Variants in WDR59 observed in about 807,000 individuals in gnomAD.
WDR59 encodes GATOR2 complex protein WDR59.
Under a neutral mutation model 131.2 loss-of-function variants are expected in WDR59, and 100 were observed. That is an observed-to-expected ratio of 0.76 (90% confidence interval 0.65 to 0.90). The LOEUF is 0.90. WDR59 is among the 40% of genes least tolerant of loss of function. The pLI is 0.00. For missense variants in WDR59, 1,203 were observed against 1,262.2 expected (o/e 0.95, Z 0.71); for synonymous variants, 601 against 466.2 (o/e 1.29, Z -3.72).
intron 18 of WDR59, 129 bp downstream of exon 18, chr16:74,903,818 G>C: frequency 8.3e-7 from 1 of 1,209,146 alleles, no homozygotes; most frequent in Non-Finnish European, 1.1e-6. Context: ...TGACTTTCTT[G>C]AACAAACTGA....
chr16:74,956,735 G>C lies in WDR59; in HGVS notation c.105-125C>G, dbSNP rs114672514. ...GCTCCAAAAAACCCAAACACACATG[G>C]CATTTATTTACTCTGAAAGGCAAAG... is the stretch of plus-strand genomic sequence containing the variant. On this transcript the variant is annotated intron_variant, in intron 2 of 25. Coordinates refer to ENST00000262144, the MANE Select transcript of WDR59 (RefSeq NM_030581.4). 3,920 of 1,198,024 alleles carry C rather than the reference G, an allele frequency of 3.3e-3. 93 individuals are homozygous for C. In the African/African-American group the frequency reaches 0.054, roughly 17 times the overall value. 74.2% of individuals were successfully genotyped at this position (1,198,024 alleles called of 1,614,324 possible).
intron 8 of WDR59, among the ~76,000 whole-genome samples, chr16:74,933,265 G>A (rs1205399305): frequency 6.6e-6 from 1 of 152,098 alleles, no homozygotes; most frequent in African/African-American, 2.4e-5. Flanking sequence ...CATGCCACTT[G>A]GAGTGCAGCC....
intron 6 of WDR59, among the ~76,000 whole-genome samples, chr16:74,944,479 A>G (rs1366868240): frequency 2.0e-5 from 3 of 151,818 alleles, no homozygotes; most frequent in Non-Finnish European, 4.4e-5. Context: ...AAAAAAAAAA[A>G]AATCATTACA....
At position 74,940,671 on chromosome 16, in the gene WDR59, G is replaced by A. The variant is rs1597758318; in HGVS notation, c.534+2067C>T. Among the ~76,000 whole-genome samples the A allele has an allele frequency of 2.6e-5, 4 of 152,176 alleles. 1 individual carries two copies. The highest frequency in any genetic ancestry group is 2.6e-4 in the Admixed American group (4 of 15,272). Reference sequence around the variant, plus strand: ...AATCAACAAGTTCTACAACTCACCTGAGCAGAAGTCCTAAGTATCATTATT... The same window carrying A: ...AATCAACAAGTTCTACAACTCACCTAAGCAGAAGTCCTAAGTATCATTATT... On this transcript the variant is annotated intron_variant, in intron 7 of 25. Coordinates refer to ENST00000262144, the MANE Select transcript of WDR59 (RefSeq NM_030581.4).
At chr16:74,950,578 C>A (rs915191072) in intron 4 of WDR59, among the ~76,000 whole-genome samples, 1 of 152,150 alleles carries the variant, frequency 6.6e-6, no homozygotes, top group Non-Finnish European at 1.5e-5. Flanking sequence ...ACAGAACATT[C>A]CACCCAACCC....
intron 2 of WDR59, chr16:74,959,707 C>T: frequency 3.5e-6 from 1 of 286,118 alleles, no homozygotes; most frequent in Non-Finnish European, 6.6e-6. Context: ...GCTTGCCCAG[C>T]AATTCAAGGC....
chr16:74,899,780 G>C (rs1370831008), intron 18 of WDR59: 2 of 1,286,418 alleles, frequency 1.6e-6, no homozygotes, highest in Non-Finnish European at 2.0e-6. Context: ...TTACACCCAG[G>C]AGGAGGGAAG....
intron 6 of WDR59, 81 bp from the exon 7 acceptor site, chr16:74,942,907 T>G: frequency 7.8e-7 from 1 of 1,276,760 alleles, no homozygotes; most frequent in Non-Finnish European, 1.1e-6. Context: ...GGGAGCTGGA[T>G]AATGAGTTCT....
At chr16:74,913,428 C>T (rs189957572) in intron 13 of WDR59, among the ~76,000 whole-genome samples, 13 of 151,924 alleles carry the variant, frequency 8.6e-5, no homozygotes, top group Admixed American at 3.3e-4. Flanking sequence ...CCCAGCAAAT[C>T]TTTGTTTTGT....
chr16:74,906,132 G>A lies in WDR59; in HGVS notation c.1713-2032C>T, dbSNP rs566190741. Among the ~76,000 whole-genome samples, 26 of 151,476 alleles carry A rather than the reference G, an allele frequency of 1.7e-4. 2 individuals are homozygous for A. Among genetic ancestry groups the A allele is most frequent in the South Asian group, 1.0e-3 (5 of 4,766 alleles). On this transcript the variant is annotated intron_variant, in intron 17 of 25. Transcript: ENST00000262144. ...GATCGAGACCATCCTGGCTAACACG[G>A]TGAAACATGGTCTCTACTAAAAATA...
rs1297084795 is a variant in WDR59 at position 74,899,902 on chromosome 16, C to T, written c.1866+4045G>A. On this transcript the variant is annotated intron_variant, in intron 18 of 25. Coordinates refer to ENST00000262144, the MANE Select transcript of WDR59 (RefSeq NM_030581.4). ...CACTGTACAGTTGGGATGGGAACGA[C>T]TAAAAAATCTGAACCTAAGCACAGC... The T allele has an allele frequency of 8.9e-6, 5 of 558,904 alleles. No individual in the cohort carries two copies. The East Asian group carries it at 3.5e-4, about 39-fold the overall frequency. The allele number at this position is 558,904 out of a possible 1,614,324, so 34.6% of individuals were successfully genotyped here.
chr16:74,909,705 C>A, intron 15 of WDR59, 48 bp from the exon 16 acceptor site: 1 of 1,553,326 alleles, frequency 6.4e-7, no homozygotes, highest in Non-Finnish European at 8.7e-7. Context: ...TGTCTTAAAG[C>A]TGAACTACAA....
At chr16:74,971,953 C>T (rs1317297968) in intron 1 of WDR59, among the ~76,000 whole-genome samples, 1 of 152,140 alleles carries the variant, frequency 6.6e-6, no homozygotes, top group Non-Finnish European at 1.5e-5. Flanking sequence ...AAGCAATCTT[C>T]CTGCCTCAGC....
chr16:74,887,388 T>C (rs1051809761), intron 23 of WDR59, among the ~76,000 whole-genome samples: 2 of 151,962 alleles, frequency 1.3e-5, no homozygotes, highest in African/African-American at 4.8e-5. Flanking sequence ...GGAAAGAGCA[T>C]GTGAAGGAGA....
chr16:74,874,141 G>T lies in WDR59; in HGVS notation c.*68C>A. 7.3e-7 allele frequency: 1 copy of T among 1,377,276 alleles called. No individual in the cohort carries two copies. The highest frequency in any genetic ancestry group is 1.0e-6 in the Non-Finnish European group (1 of 999,416). The allele number at this position is 1,377,276 out of a possible 1,614,324, so 85.3% of individuals were successfully genotyped here. ...ACCCAGGTTCTGGAGCCTCTCCCCTGACAGACAGCTTGTCACCGGCACTTA... is the reference window on the plus strand; with the variant it reads ...ACCCAGGTTCTGGAGCCTCTCCCCTTACAGACAGCTTGTCACCGGCACTTA... On this transcript the variant is annotated 3_prime_UTR_variant, in exon 26 of 26. Coordinates refer to ENST00000262144, the MANE Select transcript of WDR59 (RefSeq NM_030581.4).
rs1442937216 is a variant in WDR59, at chr16:74,920,408, A to T, written c.886+1539T>A. Among the ~76,000 whole-genome samples, 9 of 152,112 alleles carry T rather than the reference A, an allele frequency of 5.9e-5. No homozygotes were observed. The South Asian group carries it at 1.9e-3, about 32-fold the overall frequency. On this transcript the variant is annotated intron_variant, in intron 10 of 25. Coordinates refer to ENST00000262144, the MANE Select transcript of WDR59 (RefSeq NM_030581.4). ...GGTTAGGTGGGTTAAATATATATAT[A>T]TATTTTTTCTTTTGAGACTGTCTCG... is the stretch of plus-strand genomic sequence containing the variant.
chr16:74,934,024 T>C (rs2031605473), intron 8 of WDR59, among the ~76,000 whole-genome samples: 1 of 152,228 alleles, frequency 6.6e-6, no homozygotes, highest in Non-Finnish European at 1.5e-5. Flanking sequence ...TAAACTATAA[T>C]TCGCCCCTCA....
chr16:74,924,104 G>A, intron 8 of WDR59, 101 bp from the exon 9 acceptor site: 2 of 1,144,542 alleles, frequency 1.7e-6, no homozygotes, highest in Non-Finnish European at 2.6e-6. Flanking sequence ...GTCCTCTAAA[G>A]ATACACTTCA....
chr16:74,954,421 C>G (rs981395352), intron 3 of WDR59, among the ~76,000 whole-genome samples: 1 of 152,120 alleles, frequency 6.6e-6, no homozygotes, highest in African/African-American at 2.4e-5. Flanking sequence ...AACAAACAAA[C>G]AAAAAGACAT....
Sources: gnomAD v4.1 joint callset for allele counts (sites outside exome capture counted in the v4.1 genomes callset) on GRCh38, gnomAD v4.1.1 for gene constraint, MANE v1.5 for transcripts, NCBI Gene and HGNC (gene_info 2026-07-23, HGNC 2026-07-21) for gene names.